Variants in RP1 observed in about 807,000 individuals in gnomAD.
The protein encoded by RP1 is oxygen-regulated protein 1.
RP1 carries 16 observed loss-of-function variants against 14.8 expected under a neutral mutation model. That is an observed-to-expected ratio of 1.08 (90% CI 0.73 to 1.65). RP1 has a LOEUF of 1.65. RP1 is among the 40% of genes most tolerant of loss of function. The pLI, the probability that RP1 is intolerant of heterozygous loss-of-function variation, is 0.00. For synonymous variants in RP1, 876 were observed against 883.6 expected, an observed-to-expected ratio of 0.99 and a Z score of 0.15; for missense variants, 2,631 against 2,535.0, an observed-to-expected ratio of 1.04 and a Z score of -0.81.
rs115520143 is a variant in RP1 at position 54,800,428 on chromosome 8, T to C, written c.3615+16718T>C. Among the ~76,000 whole-genome samples the C allele has an allele frequency of 5.9e-3, 899 of 152,218 alleles. 6 individuals are homozygous for C. The highest frequency in any genetic ancestry group is 0.019 in the African/African-American group (770 of 41,552). ...ATCTAATTTTGAAAATTTTTGACCA[T>C]TATCTTTGGAAAATATTTCTCATGC... On this transcript the variant is annotated intron_variant, in intron 24 of 28. Transcript: ENST00000637698.
At chr8:54,768,193 G>A (rs536506927) in intron 22 of RP1, among the ~76,000 whole-genome samples, 2 of 152,226 alleles carry the variant, frequency 1.3e-5, no homozygotes, top group African/African-American at 2.4e-5. Flanking sequence ...CTCTCTCTAC[G>A]GTGCCCATCC....
chr8:54,867,749 C>A lies in RP1; in HGVS notation c.4151+1833C>A, dbSNP rs559470510. On this transcript the variant is annotated intron_variant, in intron 28 of 28. Transcript: ENST00000637698. ...TCATGTGTCTAGTATTTAGAACTCT[C>A]AAATAATTGACTAAGTTTTACTTTT... is the stretch of plus-strand genomic sequence containing the variant. Among the ~76,000 whole-genome samples the A allele has an allele frequency of 2.0e-5, 3 of 152,280 alleles. No homozygotes were observed. In the South Asian group the frequency reaches 6.2e-4, roughly 32 times the overall value.
At chr8:54,713,004 TG>T (rs1267850475) in intron 15 of RP1, among the ~76,000 whole-genome samples, 3 of 152,092 alleles carry the variant, frequency 2.0e-5, no homozygotes, top group Non-Finnish European at 4.4e-5. Context: ...CAAAGGTAAA[TG>T]GTAATGCATG....
At chr8:54,572,060 CATT>C in intron 1 of RP1, among the ~76,000 whole-genome samples, 1 of 152,338 alleles carries the variant, frequency 6.6e-6, no homozygotes, top group East Asian at 1.9e-4. Context: ...GTTTATAACA[CATT>C]ATCCTCCCTG....
At position 54,628,775 on chromosome 8, in the gene RP1, A is replaced by G; in HGVS notation, c.4893A>G (p.Ala1631=). ...KEYNIGFVKR[A]IEKLYGKADI... ...ATAACATAGGATTTGTTAAAAGGGC[A>G]ATAGAAAAACTGTACGGTAAAGCAG... is the stretch of plus-strand genomic sequence containing the variant. Residue 1631 remains alanine (A), a synonymous_variant, in exon 4 of 4, where the codon GCA becomes GCG. Coordinates refer to ENST00000220676, the MANE Select transcript of RP1 (RefSeq NM_006269.2). The G allele has an allele frequency of 6.2e-7, 1 of 1,614,126 alleles. No individual in the cohort carries two copies. The highest frequency in any genetic ancestry group is 8.5e-7 in the Non-Finnish European group (1 of 1,179,982).
chr8:54,713,981 C>G (rs1229520349), intron 15 of RP1, among the ~76,000 whole-genome samples: 2 of 152,220 alleles, frequency 1.3e-5, no homozygotes, highest in Non-Finnish European at 2.9e-5. Flanking sequence ...CAGATTCCAT[C>G]TTGCTTCTAA....
intron 24 of RP1, among the ~76,000 whole-genome samples, chr8:54,808,280 T>A (rs1201727110): frequency 1.3e-5 from 2 of 152,220 alleles, no homozygotes; most frequent in Non-Finnish European, 2.9e-5. Flanking sequence ...CACTGCCCTC[T>A]AACTACCTGA....
intron 12 of RP1, among the ~76,000 whole-genome samples, chr8:54,697,639 G>A (rs891141593): frequency 3.3e-5 from 5 of 151,090 alleles, no homozygotes; most frequent in African/African-American, 7.3e-5. Context: ...AAATTCCAGC[G>A]TTTTCTCAAG....
Position 54,621,039 on chromosome 8 carries a change from C to A in RP1, c.73C>A (p.Arg25Ser). ...TTCTGAAGGTCAAGTTCCACCCCCT[C>A]GCCATTTGAGCCTCACTCATCCTGT... The part of the protein sequence containing the change: ...TSSEGQVPPP[R>S]HLSLTHPVVA... The change falls in exon 2 of 4, where the codon CGC (arginine) becomes AGC (serine). Residue 25 changes from arginine to serine, a missense_variant. By Grantham distance (110) the Arg-to-Ser change is moderately radical. Transcript: ENST00000220676. The A allele has an allele frequency of 1.9e-6, 3 of 1,614,136 alleles. No individual in the cohort carries two copies. Among genetic ancestry groups the A allele is most frequent in the Non-Finnish European group, 1.7e-6 (2 of 1,180,020 alleles).
At chr8:54,581,917 A>G (rs1358198363) in intron 1 of RP1, among the ~76,000 whole-genome samples, 2 of 152,140 alleles carry the variant, frequency 1.3e-5, no homozygotes, top group Non-Finnish European at 2.9e-5. Flanking sequence ...TTGTCAGATG[A>G]GTAGATTGCA....
intron 24 of RP1, among the ~76,000 whole-genome samples, chr8:54,799,736 C>T (rs976305685): frequency 7.2e-5 from 11 of 151,744 alleles, no homozygotes. Context: ...AATATGCTAC[C>T]CCATGTGCAG....
At chr8:54,611,660 T>C (rs1230424897), upstream of RP1, among the ~76,000 whole-genome samples, 1 of 152,218 alleles carries the variant, frequency 6.6e-6, no homozygotes, top group Non-Finnish European at 1.5e-5. Flanking sequence ...AGTTGTTTTA[T>C]AGTCTTTGTC....
chr8:54,825,953 C>T lies in RP1; in HGVS notation c.3616-11497C>T, dbSNP rs561350211. 5.5e-4 allele frequency among the ~76,000 whole-genome samples: 83 copies of T among 151,936 alleles called. 1 individual carries two copies. Among genetic ancestry groups the T allele is most frequent in the Non-Finnish European group, 1.0e-3 (68 of 67,960 alleles). On this transcript the variant is annotated intron_variant, in intron 24 of 28. Coordinates refer to the RP1 transcript ENST00000637698. ...TGCAATGGCTTGCACCTGTAGTCCT[C>T]GTTACTTGGGAGGCTGAGGCAGTAG...
chr8:54,836,439 C>A (rs568259536), intron 24 of RP1, among the ~76,000 whole-genome samples: 1 of 152,270 alleles, frequency 6.6e-6, no homozygotes, highest in East Asian at 1.9e-4. Context: ...CTGGTTTATA[C>A]AGTTGGGCCT....
chr8:54,834,958 A>T (rs1811624038), intron 24 of RP1, among the ~76,000 whole-genome samples: 1 of 152,168 alleles, frequency 6.6e-6, no homozygotes, highest in Non-Finnish European at 1.5e-5. Context: ...TCTTAAACAG[A>T]GGATACAGAC....
chr8:54,665,012 G>C (rs1806986669), intron 7 of RP1, among the ~76,000 whole-genome samples: 1 of 151,988 alleles, frequency 6.6e-6, no homozygotes, highest in African/African-American at 2.4e-5. Context: ...AGAAAAAATT[G>C]GGTTATTTCT....
chr8:54,581,867 C>A (rs375994242), intron 1 of RP1, among the ~76,000 whole-genome samples: 2 of 151,798 alleles, frequency 1.3e-5, no homozygotes, highest in Non-Finnish European at 1.5e-5. Flanking sequence ...TTTTCTTGTA[C>A]ATTTGTTTGA....
At chr8:54,714,070 T>G (rs1257201185) in intron 15 of RP1, among the ~76,000 whole-genome samples, 1 of 152,124 alleles carries the variant, frequency 6.6e-6, no homozygotes, top group African/African-American at 2.4e-5. Context: ...GGGTTACAGA[T>G]GCCCACCACC....
chr8:54,802,403 C>T (rs933543855), intron 24 of RP1, among the ~76,000 whole-genome samples: 3 of 152,088 alleles, frequency 2.0e-5, no homozygotes, highest in African/African-American at 4.8e-5. Context: ...AAATGTTAAG[C>T]ATTTGAGAAT....
Sources: gnomAD v4.1 joint callset for allele counts (sites outside exome capture counted in the v4.1 genomes callset) on GRCh38, gnomAD v4.1.1 for gene constraint, MANE v1.5 for transcripts, NCBI Gene and HGNC (gene_info 2026-07-23, HGNC 2026-07-21) for gene names.